FSIP2: variants seen among roughly 807,000 people sequenced by gnomAD.
The protein encoded by FSIP2 is fibrous sheath-interacting protein 2.
A neutral mutation model predicts 510.5 loss-of-function variants in FSIP2; 367 were observed. The observed-to-expected ratio is 0.72, with a 90% CI of 0.66 to 0.78. The LOEUF is 0.78. Ranked by LOEUF, FSIP2 falls within the 30% of genes least tolerant of loss-of-function variation. The pLI, the probability that FSIP2 is intolerant of heterozygous loss-of-function variation, is 0.00. For synonymous variants in FSIP2, 2,601 were observed against 2,732.2 expected, an observed-to-expected ratio of 0.95 and a Z score of 1.50; for missense variants, 7,594 against 7,901.7, an observed-to-expected ratio of 0.96 and a Z score of 1.48.
chr2:185,771,376 A>T (rs1692605241), intron 13 of FSIP2, among the ~76,000 whole-genome samples: 1 of 152,200 alleles, frequency 6.6e-6, no homozygotes, highest in Non-Finnish European at 1.5e-5. Flanking sequence ...TTTCTCATAC[A>T]TACTCTGAAA....
chr2:185,752,457 G>C (rs1692168149), intron 7 of FSIP2, among the ~76,000 whole-genome samples: 1 of 151,044 alleles, frequency 6.6e-6, no homozygotes, highest in Non-Finnish European at 1.5e-5. Context: ...GGACCTGTGG[G>C]TTTACGGTTT....
chr2:185,808,436 A>C lies in FSIP2; in HGVS notation c.19130A>C (p.Glu6377Ala). ...GATGAAAAAAACTTATCAAAGACTG[A>C]GTTAAATAAAATTGCATCTCAACTG... ...SKDEKNLSKT[E>A]LNKIASQLSK... Residue 6377 changes from glutamate to alanine, a missense_variant, in exon 17 of 23, where the codon GAG (glutamate) becomes GCG (alanine). Glu to Ala is a moderately radical substitution (Grantham distance 107). Coordinates refer to ENST00000424728, the MANE Select transcript of FSIP2 (RefSeq NM_173651.4). 6.2e-7 allele frequency: 1 copy of C among 1,606,012 alleles called. No individual in the cohort carries two copies. The highest frequency in any genetic ancestry group is 8.5e-7 in the Non-Finnish European group (1 of 1,177,708).
chr2:185,828,137 T>C lies in FSIP2; in HGVS notation c.20474-19T>C. Reference sequence around the variant, plus strand: ...CTCAGAAAGAGACTATTTTACTTTTTTTTTTTTAATCTCTACAGAAAGTTC... The same window carrying C: ...CTCAGAAAGAGACTATTTTACTTTTCTTTTTTTAATCTCTACAGAAAGTTC... On this transcript the variant is annotated intron_variant, in intron 20 of 22. Transcript: ENST00000424728. 6.8e-7 allele frequency: 1 copy of C among 1,470,444 alleles called. No homozygotes were observed. Among genetic ancestry groups the C allele is most frequent in the Non-Finnish European group, 9.4e-7 (1 of 1,058,328 alleles). 91.1% of individuals were successfully genotyped at this position (1,470,444 alleles called of 1,614,324 possible). A position where few individuals can be genotyped will look rare whatever the true frequency, so the allele number is the denominator to read the frequency against.
intron 16 of FSIP2, among the ~76,000 whole-genome samples, chr2:185,799,010 T>A (rs1398229687): frequency 6.6e-6 from 1 of 151,822 alleles, no homozygotes; most frequent in Non-Finnish European, 1.5e-5. Flanking sequence ...ATAATTAAGT[T>A]CTGAGGAAAA....
Position 185,761,984 on chromosome 2 carries a change from G to T in FSIP2, c.1207G>T (p.Val403Leu). ...TGGTACCATGTAGAGAGATGGGATG[G>T]TATCTAAAAACTCAAGTATTTTCGA... ...NGINQKRDGM[V>L]SKNSSIFDDR... Residue 403 changes from valine to leucine, a missense_variant, in exon 11 of 23, where the codon GTA becomes TTA. Transcript: ENST00000424728. 6.7e-7 allele frequency: 1 copy of T among 1,484,660 alleles called. No individual in the cohort carries two copies. The highest frequency in any genetic ancestry group is 9.1e-7 in the Non-Finnish European group (1 of 1,103,492). 92.0% of individuals were successfully genotyped at this position (1,484,660 alleles called of 1,614,324 possible).
intron 7 of FSIP2, among the ~76,000 whole-genome samples, chr2:185,750,603 G>GTTTTT (rs71014622): frequency 1.5e-5 from 2 of 136,428 alleles, no homozygotes; most frequent in African/African-American, 2.7e-5. Context: ...GCATTTCTCT[G>GTTTTT]TTTTTTTTTT....
At position 185,791,190 on chromosome 2, in the gene FSIP2, A is replaced by G; in HGVS notation, c.4054A>G (p.Ile1352Val). 1 of 1,533,908 alleles carries G rather than the reference A, an allele frequency of 6.5e-7. No individual in the cohort carries two copies. The highest frequency in any genetic ancestry group is 1.7e-4 in the Middle Eastern group (1 of 5,970). ...ESLVTSIDDD[I>V]LASPLLTCIY... is the part of the protein sequence containing the mutation. ...TCTTGTCACGAGTATTGATGATGACATTTTGGCGAGTCCATTATTAACCTG... is the reference window on the plus strand; with the variant it reads ...TCTTGTCACGAGTATTGATGATGACGTTTTGGCGAGTCCATTATTAACCTG... The change falls in exon 16 of 23, where the codon ATT becomes GTT. Residue 1352 changes from isoleucine to valine, a missense_variant. By Grantham distance (29) the Ile-to-Val change is conservative. Transcript: ENST00000424728.
intron 5 of FSIP2, 70 bp downstream of exon 5, chr2:185,745,638 G>T: frequency 7.6e-7 from 1 of 1,321,106 alleles, no homozygotes; most frequent in South Asian, 1.5e-5. Flanking sequence ...ATACTAGAAA[G>T]AATTGAAGAC....
chr2:185,830,683 T>G (rs1233993637), intron 21 of FSIP2, among the ~76,000 whole-genome samples: 1 of 151,874 alleles, frequency 6.6e-6, no homozygotes, highest in Non-Finnish European at 1.5e-5. Context: ...TCGGTATACA[T>G]GCAACCATCC....
At position 185,793,774 on chromosome 2, in the gene FSIP2, G is replaced by A. The variant is rs1386615695; in HGVS notation, c.6638G>A (p.Arg2213His). Residue 2213 changes from arginine (R) to histidine (H), a missense_variant, in exon 16 of 23, where the codon CGT becomes CAT. By Grantham distance (29) the Arg-to-His change is conservative (BLOSUM62 0). Transcript: ENST00000424728. ...TCAAAAACTGAAAGAAAAACAGAGC[G>A]TTTTTCATATTCAAGAAATCAGAAA... Reference protein sequence around the residue: ...KGSKTERKTERFSYSRNQKSA... With the variant: ...KGSKTERKTEHFSYSRNQKSA... 1.1e-5 allele frequency: 17 copies of A among 1,532,346 alleles called. No homozygotes were observed. The highest frequency in any genetic ancestry group is 9.8e-5 in the East Asian group (4 of 40,824). The allele number at this position is 1,532,346 out of a possible 1,614,324, so 94.9% of individuals were successfully genotyped here. A position where few individuals can be genotyped will look rare whatever the true frequency, so the allele number is the denominator to read the frequency against.
chr2:185,800,160 A>C lies in FSIP2; in HGVS notation c.10854A>C (p.Glu3618Asp). Residue 3618 changes from glutamate to aspartate, a missense_variant, in exon 17 of 23, where the codon GAA becomes GAC. Glu to Asp is a conservative substitution (Grantham distance 45). Coordinates refer to ENST00000424728, the MANE Select transcript of FSIP2 (RefSeq NM_173651.4). ...LVGVIHVLSK[E>D]IEVDYHFESN... ...GAGTGATTCATGTACTGTCCAAAGA[A>C]ATAGAAGTAGATTATCACTTTGAAA... The C allele has an allele frequency of 6.5e-7, 1 of 1,533,326 alleles. No individual in the cohort carries two copies. The highest frequency in any genetic ancestry group is 1.2e-5 in the South Asian group (1 of 83,710). The allele number at this position is 1,533,326 out of a possible 1,614,324, so 95.0% of individuals were successfully genotyped here.
At chr2:185,752,047 CCATATTTTCATCTGCTAT>C (rs2105542363) in intron 7 of FSIP2, among the ~76,000 whole-genome samples, 1 of 150,142 alleles carries the variant, frequency 6.7e-6, no homozygotes, top group African/African-American at 2.4e-5. Flanking sequence ...TTTTGTATAC[CCATATTTTCATCTGCTAT>C]CATTTTTTTT....
Position 185,802,505 on chromosome 2 carries a change from T to A in FSIP2, c.13199T>A (p.Ile4400Asn). 16 of 1,532,392 alleles carry A rather than the reference T, an allele frequency of 1.0e-5. No homozygotes were observed. The highest frequency in any genetic ancestry group is 1.4e-5 in the Non-Finnish European group (16 of 1,144,926). The allele number at this position is 1,532,392 out of a possible 1,614,324, so 94.9% of individuals were successfully genotyped here. Residue 4400 changes from isoleucine (I) to asparagine (N), a missense_variant, in exon 17 of 23, where the codon ATT becomes AAT. By Grantham distance (149) the Ile-to-Asn change is moderately radical (BLOSUM62 -3). Transcript: ENST00000424728. ...GATAAAGAGTCTGAAGACAGTGGCA[T>A]TTTTGTGGAAAATATTACCAATTTA... is the stretch of plus-strand genomic sequence containing the variant. ...AVDKESEDSGIFVENITNLIV... is the reference protein window; with the variant it reads ...AVDKESEDSGNFVENITNLIV...
chr2:185,793,438 T>G lies in FSIP2; in HGVS notation c.6302T>G (p.Ile2101Ser). ...ACCATTGAAGGTATCCTATGTGATA[T>G]TTATGAAAAAACCCTGTTTCAGAAT... is the stretch of plus-strand genomic sequence containing the variant. ...QDTIEGILCD[I>S]YEKTLFQNNL... is the part of the protein sequence containing the mutation. The change falls in exon 16 of 23, where the codon ATT (isoleucine) becomes AGT (serine). Residue 2101 changes from isoleucine to serine, a missense_variant. Transcript: ENST00000424728. 6.5e-7 allele frequency: 1 copy of G among 1,534,298 alleles called. No homozygotes were observed. The highest frequency in any genetic ancestry group is 8.7e-7 in the Non-Finnish European group (1 of 1,145,624).
intron 15 of FSIP2, among the ~76,000 whole-genome samples, chr2:185,787,177 G>T (rs1693008839): frequency 6.6e-6 from 1 of 151,786 alleles, no homozygotes; most frequent in Admixed American, 6.6e-5. Flanking sequence ...ATTTAGGTAT[G>T]ATTCTTAAGT....
chr2:185,747,711 A>C (rs1386088404), intron 7 of FSIP2, among the ~76,000 whole-genome samples: 1 of 152,016 alleles, frequency 6.6e-6, no homozygotes, highest in Admixed American at 6.6e-5. Context: ...TAGAACTAGC[A>C]GTTCTTTGTC....
In FSIP2 at chr2:185,790,633, T is replaced by C. The variant is rs1297826252; in HGVS notation, c.3497T>C (p.Val1166Ala). ...QMFSVSEISTVAQEITDSVLN... is the reference protein window; with the variant it reads ...QMFSVSEISTAAQEITDSVLN... ...TTTTCTGTTTCAGAAATCAGTACAG[T>C]GGCTCAAGAAATAACAGATTCTGTG... is the stretch of plus-strand genomic sequence containing the variant. The change falls in exon 16 of 23, where the codon GTG becomes GCG. Residue 1166 changes from valine (V) to alanine (A), a missense_variant. Coordinates refer to ENST00000424728, the MANE Select transcript of FSIP2 (RefSeq NM_173651.4). 4 of 1,533,922 alleles carry C rather than the reference T, an allele frequency of 2.6e-6. No individual in the cohort carries two copies. The highest frequency in any genetic ancestry group is 2.7e-5 in the African/African-American group (2 of 72,884).
At position 185,792,735 on chromosome 2, in the gene FSIP2, A is replaced by G. The variant is rs1014040019; in HGVS notation, c.5599A>G (p.Asn1867Asp). ...AAMTERNVRENRYKTITFSAN... is the reference protein window; with the variant it reads ...AAMTERNVREDRYKTITFSAN... ...CATGACAGAAAGAAATGTAAGGGAA[A>G]ATAGGTATAAAACTATCACTTTTTC... The change falls in exon 16 of 23, where the codon AAT (asparagine) becomes GAT (aspartate). Residue 1867 changes from asparagine (N) to aspartate (D), a missense_variant. Asn to Asp is a conservative substitution (Grantham distance 23). Coordinates refer to ENST00000424728, the MANE Select transcript of FSIP2 (RefSeq NM_173651.4). 9 of 1,534,166 alleles carry G rather than the reference A, an allele frequency of 5.9e-6. No homozygotes were observed. The Admixed American group carries it at 5.9e-5, about 10-fold the overall frequency.
Position 185,807,742 on chromosome 2 carries a change from G to C in FSIP2, c.18436G>C (p.Val6146Leu). The change falls in exon 17 of 23, where the codon GTT (valine) becomes CTT (leucine). Residue 6146 changes from valine to leucine, a missense_variant. By Grantham distance (32) the Val-to-Leu change is conservative. Coordinates refer to ENST00000424728, the MANE Select transcript of FSIP2 (RefSeq NM_173651.4). ...GELTPHQCVE[V>L]ENIVEKILKD... ...GCTAACTCCACATCAGTGTGTGGAA[G>C]TTGAAAACATCGTTGAAAAGATCCT... The C allele has an allele frequency of 6.2e-7, 1 of 1,612,110 alleles. No individual in the cohort carries two copies. Among genetic ancestry groups the C allele is most frequent in the Admixed American group, 1.7e-5 (1 of 59,736 alleles).
Sources: allele counts gnomAD v4.1 joint callset (sites outside exome capture counted in the v4.1 genomes callset), GRCh38; gene constraint gnomAD v4.1.1; transcripts MANE v1.5; gene names NCBI Gene and HGNC (gene_info 2026-07-23, HGNC 2026-07-21).